YLPM1: variants seen among roughly 807,000 people sequenced by gnomAD.
YLPM1 encodes YLP motif-containing protein 1.
YLPM1 carries 99 observed loss-of-function variants against 230.0 expected under a neutral mutation model. The observed-to-expected ratio is 0.43, with a 90% CI of 0.37 to 0.51. YLPM1 has a LOEUF of 0.51. Among genes scored for constraint, YLPM1 ranks in the 20% least tolerant of loss-of-function variants. YLPM1 has a pLI of 0.00. For synonymous variants in YLPM1, 984 were observed against 942.5 expected (o/e 1.04, Z -0.81); for missense variants, 2,592 against 2,707.7 (o/e 0.96, Z 0.95).
chr14:74,809,980 T>G lies in YLPM1; in HGVS notation c.5010T>G (p.Pro1670=), dbSNP rs368738834. The change falls in exon 8 of 21, where the codon CCT becomes CCG. Residue 1670 remains proline (P), a synonymous_variant. Transcript: ENST00000325680. The part of the protein sequence containing the change: ...ERITLRPDPL[P]ERSTFETEHA... ...TAACTCTACGCCCAGATCCACTACC[T>G]GAAAGATCAACTTTTGAGACAGGTA... 7.8e-5 allele frequency: 125 copies of G among 1,606,868 alleles called. No individual in the cohort carries two copies. The highest frequency in any genetic ancestry group is 1.6e-4 in the Middle Eastern group (1 of 6,082).
intron 19 of YLPM1, chr14:74,835,012 A>G: frequency 2.7e-6 from 1 of 376,238 alleles, no homozygotes; most frequent in East Asian, 4.2e-5. Context: ...AAGGAATGGC[A>G]GAGGAGAAAG....
chr14:74,797,210 T>C (rs1447968260), intron 4 of YLPM1, among the ~76,000 whole-genome samples: 1 of 150,798 alleles, frequency 6.6e-6, no homozygotes, highest in Non-Finnish European at 1.5e-5. Context: ...AGGCTGGTCT[T>C]GAACTCTTGA....
intron 19 of YLPM1, among the ~76,000 whole-genome samples, chr14:74,833,769 C>G (rs2091624637): frequency 6.6e-6 from 1 of 152,164 alleles, no homozygotes; most frequent in African/African-American, 2.4e-5. Context: ...CTCCCTTTGA[C>G]CAGGTGATAC....
chr14:74,798,017 A>G lies in YLPM1; in HGVS notation c.2720A>G (p.Gln907Arg). 6.2e-7 allele frequency: 1 copy of G among 1,613,806 alleles called. No individual in the cohort carries two copies. The highest frequency in any genetic ancestry group is 8.5e-7 in the Non-Finnish European group (1 of 1,179,782). Residue 907 changes from glutamine (Q) to arginine (R), a missense_variant, in exon 5 of 21, where the codon CAA (glutamine) becomes CGA (arginine). Transcript: ENST00000325680. ...QSNENLSDSQ[Q>R]EPPKSEVSEG... Reference sequence around the variant, plus strand: ...AATGAGAATCTAAGCGACTCTCAACAAGAGCCACCTAAAAGTGAAGTCTCG... The same window carrying G: ...AATGAGAATCTAAGCGACTCTCAACGAGAGCCACCTAAAAGTGAAGTCTCG...
At position 74,810,433 on chromosome 14, in the gene YLPM1, A is replaced by G; in HGVS notation, c.5228+13A>G. On this transcript the variant is annotated intron_variant, in intron 9 of 20. Coordinates refer to ENST00000325680, the MANE Select transcript of YLPM1 (RefSeq NM_019589.3). ...CCCGAGATGATAGGTATGCTATAAA[A>G]CAATCTTTGCTAGGTGTACAAATTA... is the stretch of plus-strand genomic sequence containing the variant. The G allele has an allele frequency of 6.2e-7, 1 of 1,612,404 alleles. No homozygotes were observed. The highest frequency in any genetic ancestry group is 2.2e-5 in the East Asian group (1 of 44,862).
intron 6 of YLPM1, among the ~76,000 whole-genome samples, chr14:74,806,314 A>G (rs963544328): frequency 6.6e-6 from 1 of 151,868 alleles, no homozygotes; most frequent in African/African-American, 2.4e-5. Context: ...CCAAGATTGC[A>G]CCACTGCACT....
In YLPM1 at chr14:74,780,593, T is replaced by C. The variant is rs924011981; in HGVS notation, c.1290+9T>C. 1 of 1,598,308 alleles carries C rather than the reference T, an allele frequency of 6.3e-7. No homozygotes were observed. ...CCCCACCACATATACAGGCAAGTGC[T>C]TCCATAGTCCACAATAGGAAGTTGC... On this transcript the variant is annotated intron_variant, in intron 3 of 20. Coordinates refer to ENST00000325680, the MANE Select transcript of YLPM1 (RefSeq NM_019589.3).
chr14:74,816,875 G>C, intron 13 of YLPM1, 56 bp from the exon 14 acceptor site: 2 of 1,501,092 alleles, frequency 1.3e-6, no homozygotes, highest in South Asian at 2.8e-5. Context: ...CCAAGGAAAA[G>C]GTTTTGGATG....
chr14:74,769,260 T>TA (rs2090948811), intron 1 of YLPM1, among the ~76,000 whole-genome samples: 1 of 28,846 alleles, frequency 3.5e-5, no homozygotes, highest in Non-Finnish European at 6.0e-5. Context: ...TATTTTTATC[T>TA]TTTTTTTTTT....
chr14:74,798,885 A>G lies in YLPM1; in HGVS notation c.3588A>G (p.Gly1196=). The G allele has an allele frequency of 6.2e-7, 1 of 1,613,914 alleles. No homozygotes were observed. Among genetic ancestry groups the G allele is most frequent in the Non-Finnish European group, 8.5e-7 (1 of 1,179,854 alleles). ...DEPPRAPWNH[G]EERGHEEFPL... ...CTCCTAGGGCTCCATGGAACCATGGAGAAGAGCGAGGGCATGAAGAGTTTC... is the reference window on the plus strand; with the variant it reads ...CTCCTAGGGCTCCATGGAACCATGGGGAAGAGCGAGGGCATGAAGAGTTTC... Residue 1196 remains glycine (G), a synonymous_variant, in exon 5 of 21, where the codon GGA becomes GGG. Coordinates refer to ENST00000325680, the MANE Select transcript of YLPM1 (RefSeq NM_019589.3).
At chr14:74,773,951 C>G (rs1449095355) in intron 1 of YLPM1, among the ~76,000 whole-genome samples, 2 of 151,950 alleles carry the variant, frequency 1.3e-5, no homozygotes, top group African/African-American at 2.4e-5. Context: ...GAACTCCTGA[C>G]CTCAGGTGAC....
At chr14:74,803,193 G>T (rs2091345211) in intron 6 of YLPM1, among the ~76,000 whole-genome samples, 1 of 152,072 alleles carries the variant, frequency 6.6e-6, no homozygotes. Context: ...CTTCAGATGG[G>T]GAAATGTCAT....
intron 4 of YLPM1, among the ~76,000 whole-genome samples, chr14:74,785,901 T>C (rs901008731): frequency 3.9e-5 from 6 of 152,198 alleles, no homozygotes; most frequent in Non-Finnish European, 8.8e-5. Context: ...GTGTATATCA[T>C]TGGATTCACT....
chr14:74,800,087 A>C (rs2091310725), intron 5 of YLPM1, among the ~76,000 whole-genome samples: 1 of 152,204 alleles, frequency 6.6e-6, no homozygotes, highest in African/African-American at 2.4e-5. Context: ...CTTTATATTC[A>C]CTAATCATTG....
At chr14:74,775,804 T>A (rs2091030552) in intron 1 of YLPM1, among the ~76,000 whole-genome samples, 1 of 152,248 alleles carries the variant, frequency 6.6e-6, no homozygotes, top group East Asian at 1.9e-4. Flanking sequence ...GATTTATCGA[T>A]TTTTATACGG....
At position 74,799,614 on chromosome 14, in the gene YLPM1, C is replaced by G; in HGVS notation, c.4317C>G (p.Asp1439Glu). ...GGTCCGATGCAAGCTTAGACTCTGACCAAGGCCTTGGAGGGGTAATGGTTC... is the reference window on the plus strand; with the variant it reads ...GGTCCGATGCAAGCTTAGACTCTGAGCAAGGCCTTGGAGGGGTAATGGTTC... ...MMGSDASLDS[D>E]QGLGGVMVLS... The change falls in exon 5 of 21, where the codon GAC becomes GAG. Residue 1439 changes from aspartate (D) to glutamate (E), a missense_variant. By Grantham distance (45) the Asp-to-Glu change is conservative. Around this residue, in one of 4 missense-constraint regions of YLPM1, gnomAD observed 1,862 missense variants for 1,819.8 expected, o/e 1.02. Transcript: ENST00000325680. The G allele has an allele frequency of 6.2e-7, 1 of 1,613,916 alleles. No homozygotes were observed. Among genetic ancestry groups the G allele is most frequent in the East Asian group, 2.2e-5 (1 of 44,864 alleles).
chr14:74,790,041 C>T (rs144277410), intron 4 of YLPM1, among the ~76,000 whole-genome samples: 10 of 152,106 alleles, frequency 6.6e-5, no homozygotes, highest in African/African-American at 2.2e-4. Context: ...TTATTAGAAT[C>T]AGCTTGTCAG....
intron 11 of YLPM1, among the ~76,000 whole-genome samples, chr14:74,815,269 T>G (rs1332437974): frequency 6.6e-6 from 1 of 152,174 alleles, no homozygotes; most frequent in Non-Finnish European, 1.5e-5. Flanking sequence ...TTCATCAATT[T>G]TGTTGATCTT....
chr14:74,769,584 GC>G (rs2090953291), intron 1 of YLPM1, among the ~76,000 whole-genome samples: 1 of 146,232 alleles, frequency 6.8e-6, no homozygotes, highest in Non-Finnish European at 1.5e-5. Flanking sequence ...AGAGTGCCCG[GC>G]CATTTTTTTT....
Sources: gnomAD v4.1 joint callset for allele counts (sites outside exome capture counted in the v4.1 genomes callset) on GRCh38, gnomAD v4.1.1 for gene constraint, gnomAD v4.1.1 regional missense constraint, MANE v1.5 for transcripts, NCBI Gene and HGNC (gene_info 2026-07-23, HGNC 2026-07-21) for gene names.